Variants in STXBP5L observed in about 807,000 individuals in gnomAD.
STXBP5L encodes syntaxin binding protein 5L.
A neutral mutation model predicts 144.5 loss-of-function variants in STXBP5L; 65 were observed. The observed-to-expected ratio is 0.45, with a 90% CI of 0.37 to 0.55. STXBP5L has a LOEUF of 0.55. STXBP5L is among the 20% of genes least tolerant of loss of function. The pLI is 0.00. For synonymous variants in STXBP5L, 505 were observed against 469.6 expected, an observed-to-expected ratio of 1.08 and a Z score of -0.97; for missense variants, 1,298 against 1,405.5, an observed-to-expected ratio of 0.92 and a Z score of 1.22.
At chr3:121,045,732 G>A (rs1172278784) in intron 5 of STXBP5L, among the ~76,000 whole-genome samples, 197 bp downstream of exon 5, 1 of 152,068 alleles carries the variant, frequency 6.6e-6, no homozygotes, top group Non-Finnish European at 1.5e-5. Flanking sequence ...TACTAATGCA[G>A]TGTTTATTAG....
chr3:121,394,904 T>G (rs2046690517), intron 22 of STXBP5L, among the ~76,000 whole-genome samples: 1 of 152,178 alleles, frequency 6.6e-6, no homozygotes, highest in Non-Finnish European at 1.5e-5. Flanking sequence ...TTTAAAGGAT[T>G]TTTAGATTTT....
rs147624916 is a variant in STXBP5L, at chr3:120,935,076, T to C, written c.190-19864T>C. Among the ~76,000 whole-genome samples the C allele has an allele frequency of 2.4e-3, 362 of 152,056 alleles. 4 individuals carry two copies. Among genetic ancestry groups the C allele is most frequent in the African/African-American group, 6.6e-3 (275 of 41,548 alleles). On this transcript the variant is annotated intron_variant, in intron 2 of 26. Coordinates refer to ENST00000471454, the MANE Select transcript of STXBP5L (RefSeq NM_001308330.2). The stretch of plus-strand genomic sequence containing the variant: ...GTTGGCTTTGTTCTTTCTGGTTTTT[T>C]TTTGGTCTTATACTCTTTTTCTGTC...
intron 5 of STXBP5L, among the ~76,000 whole-genome samples, chr3:121,110,907 C>T (rs1172654967): frequency 6.6e-6 from 1 of 152,104 alleles, no homozygotes; most frequent in Non-Finnish European, 1.5e-5. Context: ...CCCATAGGTC[C>T]TGGAGGTTTT....
intron 3 of STXBP5L, among the ~76,000 whole-genome samples, chr3:120,994,437 C>A (rs1943178669): frequency 6.6e-6 from 1 of 151,970 alleles, no homozygotes; most frequent in South Asian, 2.1e-4. Context: ...TCATATATGA[C>A]CTTTTTCATG....
chr3:121,349,705 T>C (rs1388366188), intron 20 of STXBP5L, among the ~76,000 whole-genome samples: 1 of 152,138 alleles, frequency 6.6e-6, no homozygotes, highest in Admixed American at 6.5e-5. Flanking sequence ...CCTTTACCAT[T>C]ATGTAATGGT....
At chr3:121,201,427 C>G (rs2048134162) in intron 9 of STXBP5L, among the ~76,000 whole-genome samples, 1 of 152,104 alleles carries the variant, frequency 6.6e-6, no homozygotes, top group Non-Finnish European at 1.5e-5. Context: ...TGAGATGGGT[C>G]TCCTGATGCA....
intron 8 of STXBP5L, among the ~76,000 whole-genome samples, chr3:121,155,131 C>A (rs896900739): frequency 6.6e-6 from 1 of 151,776 alleles, no homozygotes; most frequent in Non-Finnish European, 1.5e-5. Flanking sequence ...ACAACAGAAC[C>A]TTTGAATAGC....
At chr3:121,346,457 G>T (rs1220054665) in intron 20 of STXBP5L, among the ~76,000 whole-genome samples, 1 of 152,002 alleles carries the variant, frequency 6.6e-6, no homozygotes, top group South Asian at 2.1e-4. Flanking sequence ...AATCCTTTGG[G>T]TATATACCCA....
At chr3:121,083,399 C>T (rs1336661183) in intron 5 of STXBP5L, among the ~76,000 whole-genome samples, 5 of 151,828 alleles carry the variant, frequency 3.3e-5, no homozygotes, top group Non-Finnish European at 5.9e-5. Flanking sequence ...CAGTGGCTCA[C>T]GCCTGTAATT....
At chr3:121,293,928 A>G (rs2051546208) in intron 19 of STXBP5L, among the ~76,000 whole-genome samples, 1 of 152,240 alleles carries the variant, frequency 6.6e-6, no homozygotes, top group Non-Finnish European at 1.5e-5. Context: ...TATCATCTAG[A>G]AACAGAAAGA....
At chr3:121,087,586 T>C (rs1469327982) in intron 5 of STXBP5L, among the ~76,000 whole-genome samples, 1 of 152,086 alleles carries the variant, frequency 6.6e-6, no homozygotes, top group Non-Finnish European at 1.5e-5. Context: ...GTATTTCTTA[T>C]AGACAAGCGT....
chr3:121,170,653 A>G (rs937820178), intron 9 of STXBP5L, among the ~76,000 whole-genome samples: 9 of 152,198 alleles, frequency 5.9e-5, no homozygotes, highest in African/African-American at 2.2e-4. Context: ...GAGAAGTCCA[A>G]TCCCTGAACA....
rs576517406 is a variant in STXBP5L, at chr3:121,000,486, T to C, written c.288-41214T>C. ...TCAGTTAGGTTCTTTCTTAAATGGCTATTTCATCTTTCTGCTCTTGAATTG... is the reference window on the plus strand; with the variant it reads ...TCAGTTAGGTTCTTTCTTAAATGGCCATTTCATCTTTCTGCTCTTGAATTG... On this transcript the variant is annotated intron_variant, in intron 3 of 26. Coordinates refer to ENST00000471454, the MANE Select transcript of STXBP5L (RefSeq NM_001308330.2). 1.3e-3 allele frequency among the ~76,000 whole-genome samples: 200 copies of C among 152,322 alleles called. 2 individuals are homozygous for C. The highest frequency in any genetic ancestry group is 1.1e-3 in the Non-Finnish European group (75 of 68,032).
intron 2 of STXBP5L, among the ~76,000 whole-genome samples, chr3:120,926,630 G>C (rs1709647257): frequency 6.6e-6 from 1 of 151,916 alleles, no homozygotes; most frequent in Non-Finnish European, 1.5e-5. Flanking sequence ...TGAACATGCT[G>C]TCTACCCCTT....
At chr3:121,023,083 A>T (rs192220761) in intron 3 of STXBP5L, among the ~76,000 whole-genome samples, 18 of 152,188 alleles carry the variant, frequency 1.2e-4, no homozygotes, top group Non-Finnish European at 2.9e-5. Flanking sequence ...CACACAAATC[A>T]GTAGCTCTTC....
chr3:121,049,113 A>C (rs1437814981), intron 5 of STXBP5L, among the ~76,000 whole-genome samples: 3 of 151,860 alleles, frequency 2.0e-5, no homozygotes, highest in Non-Finnish European at 4.4e-5. Flanking sequence ...CGGTAGGGAG[A>C]CACTGCCCAG....
chr3:121,108,196 C>T lies in STXBP5L; in HGVS notation c.471-6729C>T, dbSNP rs530010177. On this transcript the variant is annotated intron_variant, in intron 5 of 26. Transcript: ENST00000471454. ...GACTTCCTCTCTTCCTATTTCAATA[C>T]GCTTTATTTCTTTCTCTTGCCTGAC... 1.6e-4 allele frequency among the ~76,000 whole-genome samples: 24 copies of T among 152,248 alleles called. No homozygotes were observed. In the East Asian group the frequency reaches 1.7e-3, roughly 11 times the overall value.
chr3:121,204,337 A>G (rs1436944811), intron 9 of STXBP5L, among the ~76,000 whole-genome samples: 2 of 152,198 alleles, frequency 1.3e-5, no homozygotes, highest in Non-Finnish European at 2.9e-5. Context: ...TATTTTACAT[A>G]TGGCACAGTA....
Position 121,027,004 on chromosome 3 carries a change from C to T in STXBP5L, c.288-14696C>T, listed in dbSNP as rs575108007. On this transcript the variant is annotated intron_variant, in intron 3 of 26. Transcript: ENST00000471454. ...TGTTGATTCTCAGTTGCCTTCAGCT[C>T]AAAATAATCCATATGCCAAAGTGGC... 3.3e-5 allele frequency among the ~76,000 whole-genome samples: 5 copies of T among 151,940 alleles called. 1 individual carries two copies. In the South Asian group the frequency reaches 1.0e-3, roughly 32 times the overall value.
Sources: gnomAD v4.1 joint callset for allele counts (sites outside exome capture counted in the v4.1 genomes callset) on GRCh38, gnomAD v4.1.1 for gene constraint, MANE v1.5 for transcripts, NCBI Gene and HGNC (gene_info 2026-07-23, HGNC 2026-07-21) for gene names.